Variants in NAPG observed in about 807,000 individuals in gnomAD.
NAPG encodes gamma-soluble NSF attachment protein.
In NAPG, 25 loss-of-function variants were observed where a neutral mutation model predicts 48.4. That is an observed-to-expected ratio of 0.52 (90% CI 0.38 to 0.72). The LOEUF (loss-of-function observed/expected upper bound fraction) is 0.72. NAPG is among the 30% of genes least tolerant of loss of function. NAPG has a pLI of 0.00. For synonymous variants in NAPG, 139 were observed against 127.2 expected (o/e 1.09, Z -0.62); for missense variants, 359 against 372.5 (o/e 0.96, Z 0.30).
At chr18:10,540,902 T>A (rs1340336790) in intron 8 of NAPG, 1 of 152,270 alleles carries the variant, frequency 6.6e-6, no homozygotes, top group Non-Finnish European at 1.5e-5. Flanking sequence ...TTTGTTTTTT[T>A]ACTTTATCTC....
intron 3 of NAPG, chr18:10,533,135 A>AT (rs1178460212): frequency 7.7e-6 from 2 of 259,744 alleles, no homozygotes; most frequent in East Asian, 7.6e-5. Flanking sequence ...TACTGTATCA[A>AT]TTTTTTTAAA....
At position 10,550,160 on chromosome 18, in the gene NAPG, TG is replaced by T; in HGVS notation, c.881del (p.Gly294ValfsTer35). 1 of 1,588,576 alleles carries T rather than the reference TG, an allele frequency of 6.3e-7. No homozygotes were observed. The highest frequency in any genetic ancestry group is 8.6e-7 in the Non-Finnish European group (1 of 1,169,332). ...CTGCAACACCACAGGCCAAGCCTGATGGTGTCACTGCCACGGCTGCTGATGA... is the reference window on the plus strand; with the variant it reads ...CTGCAACACCACAGGCCAAGCCTGATGTGTCACTGCCACGGCTGCTGATGA... ...SPATPQAKPD[G>X]VTATAADEEE... On this transcript the variant is annotated frameshift_variant, in exon 12 of 12. Transcript: ENST00000322897. LOFTEE classifies it high-confidence loss of function.
chr18:10,545,979 A>C (rs1351639683), intron 8 of NAPG, among the ~76,000 whole-genome samples: 1 of 152,208 alleles, frequency 6.6e-6, no homozygotes, highest in Non-Finnish European at 1.5e-5. Context: ...GGAGGAAAGA[A>C]ATCTTGGGTG....
chr18:10,546,194 CCTGGGGCAG>C lies in NAPG; in HGVS notation c.507-128_507-120del. 1 of 487,024 alleles carries C rather than the reference CCTGGGGCAG, an allele frequency of 2.1e-6. No individual in the cohort carries two copies. The highest frequency in any genetic ancestry group is 3.6e-6 in the Non-Finnish European group (1 of 278,264). 30.2% of individuals were successfully genotyped at this position (487,024 alleles called of 1,614,324 possible). Reference sequence around the variant, plus strand: ...GAGCAGAGCATGTGGAAACCTGGGTCCTGGGGCAGCTGCTAATAATACCTGTCCTCCTGG... The same window carrying C: ...GAGCAGAGCATGTGGAAACCTGGGTCCTGCTAATAATACCTGTCCTCCTGG... On this transcript the variant is annotated intron_variant, in intron 8 of 11. Coordinates refer to ENST00000322897, the MANE Select transcript of NAPG (RefSeq NM_003826.3). The surrounding 1 kb of genome is among the most constrained non-coding windows in gnomAD (Gnocchi z 4.0).
At chr18:10,541,044 GA>G (rs879723656) in intron 8 of NAPG, among the ~76,000 whole-genome samples, 8 of 152,196 alleles carry the variant, frequency 5.3e-5, no homozygotes, top group Non-Finnish European at 1.2e-4. Context: ...CCCAGTAACA[GA>G]AAACACCCAA....
At chr18:10,537,923 A>G (rs989982468) in intron 5 of NAPG, among the ~76,000 whole-genome samples, 2 of 152,096 alleles carry the variant, frequency 1.3e-5, no homozygotes, top group East Asian at 1.9e-4. Flanking sequence ...CAGTTTTGTT[A>G]AGGGTATCCT....
chr18:10,544,843 A>G lies in NAPG; in HGVS notation c.507-1483A>G, dbSNP rs1320522204. On this transcript the variant is annotated intron_variant, in intron 8 of 11. Transcript: ENST00000322897. The surrounding 1 kb of genome is among the most constrained non-coding windows in gnomAD (Gnocchi z 5.1). ...AAAAATTTATCAAGTTGACCTGTGG[A>G]AATTCAGAATGCATTTCTCCTATGA... Among the ~76,000 whole-genome samples the G allele has an allele frequency of 6.6e-6, 1 of 152,200 alleles. No homozygotes were observed. The highest frequency in any genetic ancestry group is 1.5e-5 in the Non-Finnish European group (1 of 68,040).
Position 10,543,137 on chromosome 18 carries a change from A to G in NAPG, c.506+2738A>G. On this transcript the variant is annotated intron_variant, in intron 8 of 11. Coordinates refer to ENST00000322897, the MANE Select transcript of NAPG (RefSeq NM_003826.3). This position sits in a 1 kb window ranked among gnomAD's most constrained non-coding sequence, Gnocchi z 4.4. ...AGGTTGCAGTGAGACTCCCATCTCAAAAAAAAAAAAAAAGAAAAGAAAAGA... is the reference window on the plus strand; with the variant it reads ...AGGTTGCAGTGAGACTCCCATCTCAGAAAAAAAAAAAAAGAAAAGAAAAGA... Among the ~76,000 whole-genome samples the G allele has an allele frequency of 7.1e-6, 1 of 141,438 alleles. No homozygotes were observed. The highest frequency in any genetic ancestry group is 3.3e-3 in the Middle Eastern group (1 of 304). The allele number at this position is 141,438 out of a possible 152,430, so 92.8% of individuals were successfully genotyped here. A position where few individuals can be genotyped will look rare whatever the true frequency, so the allele number is the denominator to read the frequency against.
At position 10,527,187 on chromosome 18, in the gene NAPG, C is replaced by CAAA. The variant is rs775618160; in HGVS notation, c.56+1045_56+1047dup. 6.5e-3 allele frequency among the ~76,000 whole-genome samples: 686 copies of CAAA among 105,476 alleles called. 13 individuals carry two copies. Among genetic ancestry groups the CAAA allele is most frequent in the African/African-American group, 0.019 (535 of 27,868 alleles). 69.2% of individuals were successfully genotyped at this position (105,476 alleles called of 152,430 possible). On this transcript the variant is annotated intron_variant, in intron 1 of 11. Transcript: ENST00000322897. ...TGGGCCACAGAGCGAGACTCCGTCT[C>CAAA]AAAAAAAAAAAAAAAAAAGAAAAGA...
Position 10,530,798 on chromosome 18 carries a change from C to G in NAPG, c.85C>G (p.Pro29Ala). ...YLKTGFLKWK[P>A]DYDSAASEYG... is the part of the protein sequence containing the mutation. ...GAAAACTGGTTTTTTAAAATGGAAG[C>G]CAGATTATGACAGTGCCGCTTCTGA... The change falls in exon 2 of 12, where the codon CCA becomes GCA. Residue 29 changes from proline (P) to alanine (A), a missense_variant. Transcript: ENST00000322897. 2 of 1,582,712 alleles carry G rather than the reference C, an allele frequency of 1.3e-6. No individual in the cohort carries two copies. The highest frequency in any genetic ancestry group is 8.6e-7 in the Non-Finnish European group (1 of 1,165,014).
Position 10,546,254 on chromosome 18 carries a change from T to A in NAPG, c.507-72T>A, listed in dbSNP as rs1241811557. On this transcript the variant is annotated intron_variant, in intron 8 of 11. Coordinates refer to ENST00000322897, the MANE Select transcript of NAPG (RefSeq NM_003826.3). The surrounding 1 kb of genome is among the most constrained non-coding windows in gnomAD (Gnocchi z 4.0). ...TGTCTCTACAATCTATGATGTCAAG[T>A]ACATTTCACAGGGGACCTCTGCTAT... The A allele has an allele frequency of 5.3e-6, 5 of 935,650 alleles. No individual in the cohort carries two copies. Among genetic ancestry groups the A allele is most frequent in the Non-Finnish European group, 7.9e-6 (5 of 629,254 alleles). 58.0% of individuals were successfully genotyped at this position (935,650 alleles called of 1,614,324 possible). A position where few individuals can be genotyped will look rare whatever the true frequency, so the allele number is the denominator to read the frequency against.
chr18:10,526,337 C>T (rs991201626), intron 1 of NAPG, 179 bp downstream of exon 1: 2 of 627,748 alleles, frequency 3.2e-6, no homozygotes, highest in Non-Finnish European at 5.5e-6. Flanking sequence ...GGGTCGGGGT[C>T]AGCTCTGCGG....
Position 10,548,163 on chromosome 18 carries a change from TA to T in NAPG, c.586-135del. 1 of 638,008 alleles carries T rather than the reference TA, an allele frequency of 1.6e-6. No individual in the cohort carries two copies. The highest frequency in any genetic ancestry group is 2.0e-5 in the South Asian group (1 of 51,274). 39.5% of individuals were successfully genotyped at this position (638,008 alleles called of 1,614,324 possible). A position where few individuals can be genotyped will look rare whatever the true frequency, so the allele number is the denominator to read the frequency against. On this transcript the variant is annotated intron_variant, in intron 9 of 11. Transcript: ENST00000322897. The surrounding 1 kb of genome is among the most constrained non-coding windows in gnomAD (Gnocchi z 4.4). ...TTCCCCTCAGGTGTCCCGTGGAAGT[TA>T]CTATAGCATTTATAAATCTCTGTTT...
At position 10,549,054 on chromosome 18, in the gene NAPG, A is replaced by T. The variant is rs367722738; in HGVS notation, c.753A>T (p.Ser251=). The change falls in exon 11 of 12, where the codon TCA becomes TCT. Residue 251 remains serine (S), a synonymous_variant. Transcript: ENST00000322897. The stretch of plus-strand genomic sequence containing the variant: ...ACCAGCAAGACCAAGATCAGGTGTC[A>T]GATGTCTGCAACTCACCGCTTTTCA... ...GYDQQDQDQV[S]DVCNSPLFKY... is the part of the protein sequence containing the mutation. 1.9e-6 allele frequency: 3 copies of T among 1,613,840 alleles called. No homozygotes were observed. In the African/African-American group the frequency reaches 4.0e-5, roughly 22 times the overall value.
chr18:10,529,517 G>A lies in NAPG; in HGVS notation c.57-1253G>A, dbSNP rs558415126. 1.1e-4 allele frequency among the ~76,000 whole-genome samples: 17 copies of A among 152,286 alleles called. No individual in the cohort carries two copies. In the South Asian group the frequency reaches 3.5e-3, roughly 32 times the overall value. ...GCCGGTAATTCTAGCTCTTTGGGAG[G>A]CCAAGGTGGGCGGATCACTTGAGGC... On this transcript the variant is annotated intron_variant, in intron 1 of 11. Coordinates refer to ENST00000322897, the MANE Select transcript of NAPG (RefSeq NM_003826.3).
intron 1 of NAPG, 88 bp downstream of exon 1, chr18:10,526,246 G>GGGGGGGGGGGTGGT: frequency 2.0e-6 from 1 of 490,186 alleles, no homozygotes; most frequent in Non-Finnish European, 4.2e-6. Flanking sequence ...GGGCGGGAGG[G>GGGGGGGGGGGTGGT]AGGGCTCAGG....
chr18:10,550,687 A>G lies in NAPG; in HGVS notation c.*467A>G, dbSNP rs2032370861. On this transcript the variant is annotated 3_prime_UTR_variant, in exon 12 of 12. Transcript: ENST00000322897. ...GTTTTGAAAAGTAAATTTATCCCCC[A>G]TGATGTTAGATACATTTAAATTATT... 6.5e-6 allele frequency: 1 copy of G among 153,942 alleles called. No individual in the cohort carries two copies. Among genetic ancestry groups the G allele is most frequent in the African/African-American group, 2.4e-5 (1 of 41,460 alleles). 9.5% of individuals were successfully genotyped at this position (153,942 alleles called of 1,614,324 possible).
At chr18:10,530,890 A>T in intron 2 of NAPG, 53 bp downstream of exon 2, 3 of 1,343,056 alleles carry the variant, frequency 2.2e-6, no homozygotes, top group Non-Finnish European at 3.0e-6. Context: ...AAATAGTCTG[A>T]TAACTTCATT....
chr18:10,532,388 G>A (rs1375384604), intron 2 of NAPG, among the ~76,000 whole-genome samples: 1 of 152,158 alleles, frequency 6.6e-6, no homozygotes, highest in African/African-American at 2.4e-5. Flanking sequence ...TTTTGTGACT[G>A]AAGAATCTGC....
Sources: gnomAD v4.1 joint callset for allele counts (sites outside exome capture counted in the v4.1 genomes callset) on GRCh38, gnomAD v4.1.1 for gene constraint, Gnocchi (gnomAD v3.1) non-coding constraint, MANE v1.5 for transcripts, NCBI Gene and HGNC (gene_info 2026-07-23, HGNC 2026-07-21) for gene names.